ADPRS: variants seen among roughly 807,000 people sequenced by gnomAD.
The protein encoded by ADPRS is ADP-ribosylserine hydrolase.
In ADPRS, 25 loss-of-function variants were observed where a neutral mutation model predicts 32.1. The ratio of observed to expected loss-of-function variants is 0.78; its 90% CI spans 0.57 to 1.09. ADPRS has a LOEUF of 1.09. ADPRS is among the 50% of genes least tolerant of loss of function. The pLI is 0.00. For synonymous variants in ADPRS, 225 were observed against 201.0 expected (o/e 1.12, Z -1.01); for missense variants, 482 against 480.6 (o/e 1.00, Z -0.03).
chr1:36,091,756 T>C lies in ADPRS; in HGVS notation c.447T>C (p.Tyr149=), dbSNP rs764187090. 4 of 1,613,238 alleles carry C rather than the reference T, an allele frequency of 2.5e-6. No individual in the cohort carries two copies. The African/African-American group carries it at 5.3e-5, about 22-fold the overall frequency. ...ARAQFNGKGS[Y]GNGGAMRVAG... The stretch of plus-strand genomic sequence containing the variant: ...CCCAGTTTAACGGGAAAGGCTCCTA[T>C]GGCAATGGAGGTGCCATGCGGGTGG... The change falls in exon 3 of 6, where the codon TAT becomes TAC. Residue 149 remains tyrosine (Y), a synonymous_variant. Coordinates refer to ENST00000373178, the MANE Select transcript of ADPRS (RefSeq NM_017825.3).
chr1:36,088,934 A>G lies in ADPRS; in HGVS notation c.30A>G (p.Ala10=). 6.5e-7 allele frequency: 1 copy of G among 1,526,732 alleles called. No individual in the cohort carries two copies. Among genetic ancestry groups the G allele is most frequent in the African/African-American group, 1.4e-5 (1 of 70,494 alleles). The allele number at this position is 1,526,732 out of a possible 1,614,324, so 94.6% of individuals were successfully genotyped here. MAAAAMAAA[A]GGGAGAARSL... is the part of the protein sequence containing the mutation. The stretch of plus-strand genomic sequence containing the variant: ...CCGCAGCGGCGATGGCGGCAGCGGC[A>G]GGTGGAGGGGCTGGCGCGGCCCGCT... The change falls in exon 1 of 6, where the codon GCA becomes GCG. Residue 10 remains alanine, a synonymous_variant. Transcript: ENST00000373178.
Position 36,092,096 on chromosome 1 carries a change from T to C in ADPRS, c.701+2T>C. ...CCAGTCCGTCTTGGATGCCAGGGAG[T>C]GAGTATGGGGCTGGAGGTGTGTGGT... On this transcript the variant is annotated splice_donor_variant, in intron 4 of 5. Transcript: ENST00000373178. LOFTEE classifies it high-confidence loss of function. 1 of 1,601,624 alleles carries C rather than the reference T, an allele frequency of 6.2e-7. No homozygotes were observed. The highest frequency in any genetic ancestry group is 8.5e-7 in the Non-Finnish European group (1 of 1,172,430).
Position 36,093,354 on chromosome 1 carries a change from C to G in ADPRS, c.1060C>G (p.Gln354Glu). 6.2e-7 allele frequency: 1 copy of G among 1,614,114 alleles called. No homozygotes were observed. The highest frequency in any genetic ancestry group is 1.1e-5 in the South Asian group (1 of 91,086). Residue 354 changes from glutamine to glutamate, a missense_variant, in exon 6 of 6, where the codon CAA becomes GAA. Coordinates refer to ENST00000373178, the MANE Select transcript of ADPRS (RefSeq NM_017825.3). ...CTACGAGGAGACAGACATCCTGGCC[C>G]AAAGCCTGCACCGTGTCTTCCAGAA... is the stretch of plus-strand genomic sequence containing the variant. ...EGYEETDILA[Q>E]SLHRVFQKS
chr1:36,092,057 C>G lies in ADPRS; in HGVS notation c.664C>G (p.Leu222Val), dbSNP rs1643491997. 1 of 1,613,240 alleles carries G rather than the reference C, an allele frequency of 6.2e-7. No individual in the cohort carries two copies. The part of the protein sequence containing the change: ...LKQLLGHMED[L>V]EGDAQSVLDA... The stretch of plus-strand genomic sequence containing the variant: ...GCAACTCCTGGGCCACATGGAGGAT[C>G]TGGAGGGTGATGCCCAGTCCGTCTT... The change falls in exon 4 of 6, where the codon CTG (leucine) becomes GTG (valine). Residue 222 changes from leucine (L) to valine (V), a missense_variant. By Grantham distance (32) the Leu-to-Val change is conservative. Transcript: ENST00000373178.
chr1:36,093,054 G>T, intron 5 of ADPRS, 43 bp from the exon 6 acceptor site: 1 of 1,586,310 alleles, frequency 6.3e-7, no homozygotes. Flanking sequence ...ATGGTAGGAG[G>T]CCTGGGGAAG....
intron 5 of ADPRS, 81 bp downstream of exon 5, chr1:36,092,603 G>A: frequency 7.7e-7 from 1 of 1,300,944 alleles, no homozygotes; most frequent in Non-Finnish European, 1.1e-6. Context: ...ATGGAGTCAT[G>A]CCTGCCGTCG....
chr1:36,091,841 T>G lies in ADPRS; in HGVS notation c.516+16T>G. ...TGTGCAGAAGGTATTCAGGGCGGGC[T>G]GGCTTCTGGGCTGTCCCCTTCCTCT... On this transcript the variant is annotated intron_variant, in intron 3 of 5. Transcript: ENST00000373178. The G allele has an allele frequency of 6.3e-7, 1 of 1,588,934 alleles. No individual in the cohort carries two copies. Among genetic ancestry groups the G allele is most frequent in the Middle Eastern group, 1.7e-4 (1 of 5,960 alleles).
At position 36,091,602 on chromosome 1, in the gene ADPRS, C is replaced by G. The variant is rs1172464219; in HGVS notation, c.309-16C>G. 6 of 1,563,648 alleles carry G rather than the reference C, an allele frequency of 3.8e-6. No individual in the cohort carries two copies. Among genetic ancestry groups the G allele is most frequent in the Non-Finnish European group, 5.2e-6 (6 of 1,152,650 alleles). On this transcript the variant is annotated splice_polypyrimidine_tract_variant and intron_variant, in intron 2 of 5. Transcript: ENST00000373178. ...ATCTTGTAAATCTGAATTCTGTCTC[C>G]CCTTCTGTTCCCTAGATTTGCTCAG...
intron 1 of ADPRS, 52 bp from the exon 2 acceptor site, chr1:36,091,191 CA>C: frequency 1.8e-5 from 27 of 1,519,268 alleles, no homozygotes; most frequent in East Asian, 2.3e-5. Flanking sequence ...AAAACAACAA[CA>C]AAAAAAACAA....
rs746170841 is a variant in ADPRS, at chr1:36,088,899, G to T, written c.-6G>T. On this transcript the variant is annotated 5_prime_UTR_variant, in exon 1 of 6. Coordinates refer to ENST00000373178, the MANE Select transcript of ADPRS (RefSeq NM_017825.3). ...GCACCGGAAGTGGCGAGCAGTCTGC[G>T]CGCGGATGGCCGCAGCGGCGATGGC... 6 of 1,524,810 alleles carry T rather than the reference G, an allele frequency of 3.9e-6. No individual in the cohort carries two copies. Among genetic ancestry groups the T allele is most frequent in the Middle Eastern group, 4.5e-4 (2 of 4,424 alleles). The allele number at this position is 1,524,810 out of a possible 1,614,324, so 94.5% of individuals were successfully genotyped here. A position where few individuals can be genotyped will look rare whatever the true frequency, so the allele number is the denominator to read the frequency against.
In ADPRS at chr1:36,092,909, C is replaced by T. The variant is rs559068218; in HGVS notation, c.803-188C>T. ...TTGAATCTGGGAGCAGGAAGCTTAG[C>T]GGTCCCCTAGGTAACTCTCCCAGTC... On this transcript the variant is annotated intron_variant, in intron 5 of 5. Coordinates refer to ENST00000373178, the MANE Select transcript of ADPRS (RefSeq NM_017825.3). 1.4e-3 allele frequency among the ~76,000 whole-genome samples: 207 copies of T among 152,320 alleles called. 1 individual carries two copies. The highest frequency in any genetic ancestry group is 6.8e-3 in the Middle Eastern group (2 of 294).
At position 36,091,743 on chromosome 1, in the gene ADPRS, G is replaced by A. The variant is rs1643487008; in HGVS notation, c.434G>A (p.Gly145Glu). 5 of 1,613,734 alleles carry A rather than the reference G, an allele frequency of 3.1e-6. No homozygotes were observed. The highest frequency in any genetic ancestry group is 4.2e-6 in the Non-Finnish European group (5 of 1,179,834). Residue 145 changes from glycine (G) to glutamate (E), a missense_variant, in exon 3 of 6, where the codon GGG (glycine) becomes GAG (glutamate). Physicochemically the swap from Gly to Glu is moderately conservative, Grantham distance 98. Coordinates refer to ENST00000373178, the MANE Select transcript of ADPRS (RefSeq NM_017825.3). Reference sequence around the variant, plus strand: ...GAGCCTGCCCGGGCCCAGTTTAACGGGAAAGGCTCCTATGGCAATGGAGGT... The same window carrying A: ...GAGCCTGCCCGGGCCCAGTTTAACGAGAAAGGCTCCTATGGCAATGGAGGT... The part of the protein sequence containing the change: ...VFEPARAQFN[G>E]KGSYGNGGAM...
At chr1:36,089,774 C>T (rs1643454362) in intron 1 of ADPRS, among the ~76,000 whole-genome samples, 1 of 152,206 alleles carries the variant, frequency 6.6e-6, no homozygotes, top group South Asian at 2.1e-4. Context: ...CCAGCCTTGG[C>T]CTTGCTTTCT....
At position 36,091,664 on chromosome 1, in the gene ADPRS, G is replaced by A. The variant is rs1174025950; in HGVS notation, c.355G>A (p.Gly119Arg). The A allele has an allele frequency of 5.6e-6, 9 of 1,613,558 alleles. No homozygotes were observed. The highest frequency in any genetic ancestry group is 1.3e-5 in the African/African-American group (1 of 75,046). ...KKDPDRGYGA[G>R]VVTVFKKLLN... is the part of the protein sequence containing the mutation. ...AGACCCTGACAGGGGCTATGGTGCT[G>A]GAGTAGTCACTGTCTTCAAGAAGCT... Residue 119 changes from glycine (G) to arginine (R), a missense_variant, in exon 3 of 6, where the codon GGA becomes AGA. Transcript: ENST00000373178.
Position 36,091,122 on chromosome 1 carries a change from T to C in ADPRS, c.212-122T>C, listed in dbSNP as rs912990283. On this transcript the variant is annotated intron_variant, in intron 1 of 5. Transcript: ENST00000373178. ...AGTTCAAGACTGCAGTGAGCCATGA[T>C]TGCACCAGTGCACTCCAGTCTGGGC... 40 of 712,870 alleles carry C rather than the reference T, an allele frequency of 5.6e-5. No individual in the cohort carries two copies. In the Middle Eastern group the frequency reaches 1.4e-3, roughly 26 times the overall value. 44.2% of individuals were successfully genotyped at this position (712,870 alleles called of 1,614,324 possible).
chr1:36,090,009 G>A (rs1032612931), intron 1 of ADPRS, among the ~76,000 whole-genome samples: 13 of 152,120 alleles, frequency 8.5e-5, no homozygotes, highest in Admixed American at 3.9e-4. Context: ...AGGGAGGGAG[G>A]GAGGGAAGGG....
At position 36,093,204 on chromosome 1, in the gene ADPRS, A is replaced by G; in HGVS notation, c.910A>G (p.Thr304Ala). The G allele has an allele frequency of 6.2e-7, 1 of 1,614,016 alleles. No individual in the cohort carries two copies. The highest frequency in any genetic ancestry group is 8.5e-7 in the Non-Finnish European group (1 of 1,180,016). The part of the protein sequence containing the change: ...IPSAFNSLQR[T>A]LIYSISLGGD... ...TTCTGCCTTCAATAGCCTCCAAAGGACTCTCATTTATTCCATCTCACTTGG... is the reference window on the plus strand; with the variant it reads ...TTCTGCCTTCAATAGCCTCCAAAGGGCTCTCATTTATTCCATCTCACTTGG... The change falls in exon 6 of 6, where the codon ACT (threonine) becomes GCT (alanine). Residue 304 changes from threonine to alanine, a missense_variant. Transcript: ENST00000373178.
intron 5 of ADPRS, 139 bp downstream of exon 5, chr1:36,092,661 C>A: frequency 1.3e-6 from 1 of 748,620 alleles, no homozygotes; most frequent in Admixed American, 2.6e-5. Context: ...CAGGGTTGAG[C>A]TCAGCGCTTC....
chr1:36,091,590 G>T lies in ADPRS; in HGVS notation c.309-28G>T, dbSNP rs745470946. 4.5e-6 allele frequency: 7 copies of T among 1,550,070 alleles called. 1 individual carries two copies. The South Asian group carries it at 8.5e-5, about 19-fold the overall frequency. ...ACCCTTAGAGGCATCTTGTAAATCT[G>T]AATTCTGTCTCCCCTTCTGTTCCCT... On this transcript the variant is annotated intron_variant, in intron 2 of 5. Transcript: ENST00000373178.
Sources: gnomAD v4.1 joint callset for allele counts (sites outside exome capture counted in the v4.1 genomes callset) on GRCh38, gnomAD v4.1.1 for gene constraint, MANE v1.5 for transcripts, NCBI Gene and HGNC (gene_info 2026-07-23, HGNC 2026-07-21) for gene names.